Variants in GALNTL6 observed in about 807,000 individuals in gnomAD.
GALNTL6 encodes the protein polypeptide N-acetylgalactosaminyltransferase-like 6.
GALNTL6 carries 46 observed loss-of-function variants against 73.7 expected under a neutral mutation model. The observed-to-expected ratio is 0.62, with a 90% CI of 0.49 to 0.80. The LOEUF is 0.80. GALNTL6 is among the 30% of genes least tolerant of loss of function. The pLI is 0.00. For synonymous variants in GALNTL6, 259 were observed against 263.7 expected (o/e 0.98, Z 0.17); for missense variants, 604 against 755.0 (o/e 0.80, Z 2.34).
chr4:172,096,394 G>T (rs1413050722), intron 2 of GALNTL6, among the ~76,000 whole-genome samples: 1 of 152,006 alleles, frequency 6.6e-6, no homozygotes, highest in East Asian at 1.9e-4. Flanking sequence ...TGCCGGGCTT[G>T]GCCTCTGTTT....
intron 3 of GALNTL6, among the ~76,000 whole-genome samples, chr4:172,266,687 A>C (rs975208404): frequency 2.0e-5 from 3 of 151,574 alleles, no homozygotes; most frequent in African/African-American, 7.3e-5. Context: ...GATTTTTTTC[A>C]TCCCTTTCCC....
intron 2 of GALNTL6, among the ~76,000 whole-genome samples, chr4:172,018,148 C>T (rs1741268614): frequency 6.6e-6 from 1 of 152,012 alleles, no homozygotes; most frequent in South Asian, 2.1e-4. Context: ...GGTAGGCCTC[C>T]ATAAAGGAGG....
At chr4:171,841,648 T>C (rs1396840472) in intron 2 of GALNTL6, among the ~76,000 whole-genome samples, 1 of 152,040 alleles carries the variant, frequency 6.6e-6, no homozygotes, top group Non-Finnish European at 1.5e-5. Context: ...GAAATAGAAA[T>C]CATGATATAA....
chr4:173,003,052 G>A lies in GALNTL6; in HGVS notation c.1372-6126G>A, dbSNP rs142074998. Reference sequence around the variant, plus strand: ...ATGAAATATTTTAGACATAGATCTTGGTGATGGTTACACAACATTTTGAAT... The same window carrying A: ...ATGAAATATTTTAGACATAGATCTTAGTGATGGTTACACAACATTTTGAAT... On this transcript the variant is annotated intron_variant, in intron 10 of 12. Transcript: ENST00000506823. Among the ~76,000 whole-genome samples, 117 of 152,280 alleles carry A rather than the reference G, an allele frequency of 7.7e-4. No homozygotes were observed. The East Asian group carries it at 0.01, about 14-fold the overall frequency.
intron 9 of GALNTL6, among the ~76,000 whole-genome samples, chr4:172,949,481 G>A (rs1352113586): frequency 1.3e-5 from 2 of 151,452 alleles, no homozygotes; most frequent in African/African-American, 4.8e-5. Context: ...GGTGTAAATT[G>A]ATGAAAATTA....
At chr4:172,136,672 T>G (rs1245970577) in intron 2 of GALNTL6, among the ~76,000 whole-genome samples, 1 of 151,696 alleles carries the variant, frequency 6.6e-6, no homozygotes, top group East Asian at 1.9e-4. Context: ...TATTAAATTA[T>G]TTTATAATTG....
chr4:172,694,679 C>T (rs191734658), intron 5 of GALNTL6, among the ~76,000 whole-genome samples: 5 of 152,238 alleles, frequency 3.3e-5, no homozygotes, highest in East Asian at 1.9e-4. Flanking sequence ...ACTGGAACAG[C>T]GTGAGGAAAG....
intron 5 of GALNTL6, among the ~76,000 whole-genome samples, chr4:172,443,032 C>A (rs1000844749): frequency 3.4e-5 from 5 of 145,850 alleles, no homozygotes; most frequent in Non-Finnish European, 6.0e-5. Context: ...CTTTTTCATT[C>A]TGATTGTAAA....
chr4:171,968,932 G>T (rs1739477939), intron 2 of GALNTL6, among the ~76,000 whole-genome samples: 1 of 151,870 alleles, frequency 6.6e-6, no homozygotes, highest in Non-Finnish European at 1.5e-5. Flanking sequence ...TGCCTCCCAG[G>T]TTCAAGCGAT....
intron 2 of GALNTL6, among the ~76,000 whole-genome samples, chr4:172,197,838 G>A (rs888182027): frequency 7.9e-5 from 12 of 152,020 alleles, no homozygotes; most frequent in African/African-American, 1.4e-4. Flanking sequence ...GGCCGGACGC[G>A]GTGGCTCACA....
intron 2 of GALNTL6, among the ~76,000 whole-genome samples, chr4:171,854,894 T>C (rs1735642211): frequency 6.6e-6 from 1 of 152,210 alleles, no homozygotes; most frequent in South Asian, 2.1e-4. Context: ...AGACATACCC[T>C]TTCCATCCAT....
intron 12 of GALNTL6, among the ~76,000 whole-genome samples, chr4:173,038,163 T>C (rs1753769300): frequency 6.6e-6 from 1 of 152,220 alleles, no homozygotes; most frequent in African/African-American, 2.4e-5. Flanking sequence ...AGAATTTTTA[T>C]GACTATAACA....
chr4:172,415,378 C>A (rs1443628125), intron 5 of GALNTL6, among the ~76,000 whole-genome samples: 1 of 152,138 alleles, frequency 6.6e-6, no homozygotes, highest in Non-Finnish European at 1.5e-5. Flanking sequence ...ATTCTATGTC[C>A]AGCACAGCCA....
intron 2 of GALNTL6, among the ~76,000 whole-genome samples, chr4:172,087,323 T>C (rs1042925428): frequency 2.0e-5 from 3 of 151,634 alleles, no homozygotes; most frequent in Non-Finnish European, 4.4e-5. Context: ...TGGGCGCCTG[T>C]AGTCCCAGCT....
chr4:172,580,186 C>T (rs970597079), intron 5 of GALNTL6, among the ~76,000 whole-genome samples: 1 of 151,980 alleles, frequency 6.6e-6, no homozygotes, highest in Non-Finnish European at 1.5e-5. Context: ...GAAAACAAGC[C>T]AACATGAGGA....
At chr4:172,427,620 A>G (rs1384431261) in intron 5 of GALNTL6, among the ~76,000 whole-genome samples, 2 of 152,194 alleles carry the variant, frequency 1.3e-5, no homozygotes, top group African/African-American at 2.4e-5. Flanking sequence ...ACAACAATTA[A>G]TGAAGCTTTC....
At chr4:172,788,199 AAAC>A (rs869284761) in intron 5 of GALNTL6, among the ~76,000 whole-genome samples, 1 of 151,974 alleles carries the variant, frequency 6.6e-6, no homozygotes, top group Non-Finnish European at 1.5e-5. Flanking sequence ...ACAAACAAAC[AAAC>A]AAAAAACACA....
At chr4:172,556,602 ACT>A (rs1736150336) in intron 5 of GALNTL6, among the ~76,000 whole-genome samples, 1 of 151,942 alleles carries the variant, frequency 6.6e-6, no homozygotes, top group Non-Finnish European at 1.5e-5. Context: ...TTATCTGGTA[ACT>A]CTGTACCCTG....
chr4:172,489,088 A>G (rs914179151), intron 5 of GALNTL6, among the ~76,000 whole-genome samples: 1 of 152,170 alleles, frequency 6.6e-6, no homozygotes, highest in Non-Finnish European at 1.5e-5. Flanking sequence ...TTATTATACC[A>G]AGTAGTTTCT....
Sources: allele counts gnomAD v4.1 joint callset (sites outside exome capture counted in the v4.1 genomes callset), GRCh38; gene constraint gnomAD v4.1.1; transcripts MANE v1.5; gene names NCBI Gene and HGNC (gene_info 2026-07-23, HGNC 2026-07-21).